STX8: variants seen among roughly 807,000 people sequenced by gnomAD.
The protein encoded by STX8 is syntaxin 8, also known as syntaxin-8.
STX8 carries 23 observed loss-of-function variants against 37.5 expected under a neutral mutation model. That is an observed-to-expected ratio of 0.61 (90% CI 0.44 to 0.87). STX8 has a LOEUF of 0.87. Ranked by LOEUF, STX8 falls within the 40% of genes least tolerant of loss-of-function variation. The pLI is 0.00. For synonymous variants in STX8, 115 were observed against 99.1 expected (o/e 1.16, Z -0.95); for missense variants, 313 against 284.7 (o/e 1.10, Z -0.71).
intron 6 of STX8, among the ~76,000 whole-genome samples, chr17:9,422,279 A>G (rs1366200326): frequency 6.6e-6 from 1 of 151,734 alleles, no homozygotes; most frequent in Non-Finnish European, 1.5e-5. Context: ...TAATTTTTGT[A>G]TTTTTTTAGT....
At chr17:9,444,912 T>C (rs1291215574) in intron 6 of STX8, among the ~76,000 whole-genome samples, 3 of 152,210 alleles carry the variant, frequency 2.0e-5, no homozygotes, top group Non-Finnish European at 2.9e-5. Flanking sequence ...AGCTCATTTG[T>C]AGAAGCAAAC....
chr17:9,420,117 A>G (rs1454751128), intron 6 of STX8, among the ~76,000 whole-genome samples: 1 of 152,222 alleles, frequency 6.6e-6, no homozygotes, highest in Non-Finnish European at 1.5e-5. Flanking sequence ...GAAAAATTAG[A>G]AAAGCATGAG....
At chr17:9,362,732 G>C (rs1015092249) in intron 7 of STX8, among the ~76,000 whole-genome samples, 1 of 151,444 alleles carries the variant, frequency 6.6e-6, no homozygotes, top group Non-Finnish European at 1.5e-5. Context: ...TGAGGCAGGA[G>C]AATGGCGTGA....
At chr17:9,522,238 G>C (rs1161614837) in intron 4 of STX8, among the ~76,000 whole-genome samples, 1 of 152,156 alleles carries the variant, frequency 6.6e-6, no homozygotes, top group Non-Finnish European at 1.5e-5. Flanking sequence ...AGATGAATGA[G>C]CTGCTCTACC....
chr17:9,531,247 T>C (rs1114532), intron 4 of STX8, among the ~76,000 whole-genome samples: 77,481 of 135,162 alleles, frequency 0.57, 20,149 homozygotes, highest in South Asian at 0.71. Flanking sequence ...TGTCTCAGCT[T>C]TTCTTATCTC....
At chr17:9,305,762 T>TTTTTTTA in intron 7 of STX8, 1 of 147,292 alleles carries the variant, frequency 6.8e-6, no homozygotes, top group African/African-American at 2.6e-5. Flanking sequence ...TTTTTTTTTT[T>TTTTTTTA]GAGATGGAGT....
chr17:9,263,648 A>C (rs1907126643), intron 7 of STX8, among the ~76,000 whole-genome samples: 1 of 152,194 alleles, frequency 6.6e-6, no homozygotes, highest in African/African-American at 2.4e-5. Context: ...GTTATTTCAA[A>C]ATTTTTGCTA....
At chr17:9,556,248 A>G (rs986204439) in intron 3 of STX8, among the ~76,000 whole-genome samples, 1 of 152,066 alleles carries the variant, frequency 6.6e-6, no homozygotes, top group African/African-American at 2.4e-5. Flanking sequence ...ATTTCCTTAT[A>G]TTTAAAATCT....
At chr17:9,327,239 ACAG>A (rs1165614683) in intron 7 of STX8, among the ~76,000 whole-genome samples, 10 of 139,828 alleles carry the variant, frequency 7.2e-5, no homozygotes, top group African/African-American at 2.2e-4. Context: ...AGGAAGGAGG[ACAG>A]AGGAGGAAGG....
At chr17:9,460,769 A>G (rs539708217) in intron 6 of STX8, among the ~76,000 whole-genome samples, 25 of 152,254 alleles carry the variant, frequency 1.6e-4, no homozygotes, top group African/African-American at 6.0e-4. Context: ...GGTGGTTAAA[A>G]GAACATATTT....
chr17:9,478,585 AAAG>A (rs1322437390), intron 6 of STX8, among the ~76,000 whole-genome samples: 4 of 152,204 alleles, frequency 2.6e-5, no homozygotes, highest in Non-Finnish European at 5.9e-5. Flanking sequence ...CTAAAAAAAC[AAAG>A]TCCTTCCTAG....
chr17:9,291,233 C>T (rs1017262395), intron 7 of STX8, among the ~76,000 whole-genome samples: 23 of 151,980 alleles, frequency 1.5e-4, no homozygotes, highest in Admixed American at 1.2e-3. Flanking sequence ...TCACCCGAGC[C>T]GAGGAGTTCA....
chr17:9,378,102 T>TGGA, intron 7 of STX8: 1 of 158,400 alleles, frequency 6.3e-6, no homozygotes, highest in Admixed American at 6.2e-5. Context: ...ATTCTTATCT[T>TGGA]GGCATATGAA....
intron 7 of STX8, among the ~76,000 whole-genome samples, chr17:9,284,166 C>T (rs1372187446): frequency 6.6e-6 from 1 of 152,186 alleles, no homozygotes; most frequent in Non-Finnish European, 1.5e-5. Flanking sequence ...ATTTTTCCAT[C>T]AACTAATAGT....
chr17:9,566,302 T>A (rs1187310689), intron 2 of STX8, among the ~76,000 whole-genome samples: 1 of 152,114 alleles, frequency 6.6e-6, no homozygotes, highest in Non-Finnish European at 1.5e-5. Flanking sequence ...AGTCAAAAAA[T>A]AACAGATGCT....
At chr17:9,571,640 G>A (rs1277989957) in intron 1 of STX8, among the ~76,000 whole-genome samples, 1 of 150,452 alleles carries the variant, frequency 6.6e-6, no homozygotes, top group Non-Finnish European at 1.5e-5. Flanking sequence ...CCGGGCATAG[G>A]CGTAGTGGCT....
At chr17:9,529,270 AGAGT>A (rs919057168) in intron 4 of STX8, among the ~76,000 whole-genome samples, 29 of 129,896 alleles carry the variant, frequency 2.2e-4, no homozygotes, top group East Asian at 7.1e-4. Flanking sequence ...AGAGAGAGAG[AGAGT>A]GTGTGGGTGC....
intron 7 of STX8, among the ~76,000 whole-genome samples, chr17:9,301,816 A>G (rs1908799881): frequency 1.3e-5 from 2 of 152,116 alleles, no homozygotes; most frequent in Admixed American, 1.3e-4. Flanking sequence ...ATAGAAAACT[A>G]GATTTATTTT....
At chr17:9,255,032 C>T (rs1029352825) in intron 7 of STX8, among the ~76,000 whole-genome samples, 1 of 152,154 alleles carries the variant, frequency 6.6e-6, no homozygotes, top group Non-Finnish European at 1.5e-5. Context: ...CACAATACTA[C>T]AGAGACAAGA....
Sources: allele counts gnomAD v4.1 joint callset (sites outside exome capture counted in the v4.1 genomes callset), GRCh38; gene constraint gnomAD v4.1.1; transcripts MANE v1.5; gene names NCBI Gene and HGNC (gene_info 2026-07-23, HGNC 2026-07-21).